The following NUAK1 variants were observed in gnomAD, a reference collection of about 807,000 sequenced individuals.
NUAK1 encodes the protein NUAK family kinase 1.
In NUAK1, 26 loss-of-function variants were observed where a neutral mutation model predicts 56.9. The ratio of observed to expected loss-of-function variants is 0.46; its 90% CI spans 0.33 to 0.63. NUAK1 has a LOEUF of 0.63. Ranked by LOEUF, NUAK1 falls within the 30% of genes least tolerant of loss-of-function variation. The probability of loss-of-function intolerance (pLI) is 0.02; values close to 1 mark genes in which losing one functional copy is unlikely to be tolerated. For missense variants in NUAK1, 727 were observed against 876.1 expected, an observed-to-expected ratio of 0.83 and a Z score of 2.15; for synonymous variants, 337 against 336.0, an observed-to-expected ratio of 1.00 and a Z score of -0.03.
At chr12:106,119,895 T>C (rs1191642169) in intron 1 of NUAK1, among the ~76,000 whole-genome samples, 1 of 152,198 alleles carries the variant, frequency 6.6e-6, no homozygotes, top group Non-Finnish European at 1.5e-5. Flanking sequence ...CAAGAAAGTG[T>C]GCATCCCGAT....
intron 1 of NUAK1, among the ~76,000 whole-genome samples, chr12:106,118,422 T>C (rs546080106): frequency 4.5e-4 from 69 of 152,340 alleles, no homozygotes; most frequent in Non-Finnish European, 8.5e-4. Flanking sequence ...AAAACACTCT[T>C]AGCCCTGGCA....
At position 106,066,782 on chromosome 12, in the gene NUAK1, C is replaced by T. The variant is rs773779866; in HGVS notation, c.*20G>A. On this transcript the variant is annotated 3_prime_UTR_variant, in exon 7 of 7. Coordinates refer to ENST00000261402, the MANE Select transcript of NUAK1 (RefSeq NM_014840.3). ...CCTTCCTCCCTCGTACCCCCGCCCG[C>T]CCCTGGGCGCCCTGGAATGCTAGTT... 51 of 1,587,620 alleles carry T rather than the reference C, an allele frequency of 3.2e-5. No individual in the cohort carries two copies. Among genetic ancestry groups the T allele is most frequent in the Non-Finnish European group, 4.4e-5 (51 of 1,163,732 alleles).
At chr12:106,089,857 T>C (rs1441553924) in intron 2 of NUAK1, among the ~76,000 whole-genome samples, 1 of 152,130 alleles carries the variant, frequency 6.6e-6, no homozygotes, top group Non-Finnish European at 1.5e-5. Context: ...CTTACCCCCA[T>C]CCTTTCTGGT....
At chr12:106,085,914 C>T (rs917986395) in intron 3 of NUAK1, among the ~76,000 whole-genome samples, 5 of 151,960 alleles carry the variant, frequency 3.3e-5, no homozygotes, top group Admixed American at 3.3e-4. Context: ...GCTATGTTGC[C>T]CTGGCTGGTC....
At chr12:106,077,734 C>T (rs1342264599) in intron 4 of NUAK1, among the ~76,000 whole-genome samples, 1 of 152,182 alleles carries the variant, frequency 6.6e-6, no homozygotes, top group African/African-American at 2.4e-5. Context: ...GACACTCAGG[C>T]CCTGCCCCAG....
intron 1 of NUAK1, among the ~76,000 whole-genome samples, chr12:106,125,916 C>T (rs191658158): frequency 2.7e-5 from 4 of 145,680 alleles, no homozygotes; most frequent in South Asian, 4.5e-4. Context: ...TAGTCTCCCC[C>T]CTGCATGCCT....
chr12:106,127,944 C>T (rs959904531), intron 1 of NUAK1, among the ~76,000 whole-genome samples: 1 of 152,066 alleles, frequency 6.6e-6, no homozygotes, highest in Non-Finnish European at 1.5e-5. Flanking sequence ...CCTTCCAAAA[C>T]TTAGATTTAT....
At chr12:106,099,036 T>A (rs1238940356) in intron 2 of NUAK1, among the ~76,000 whole-genome samples, 1 of 152,226 alleles carries the variant, frequency 6.6e-6, no homozygotes, top group African/African-American at 2.4e-5. Context: ...TTGATTAGGC[T>A]TTCCTTAGTA....
intron 1 of NUAK1, among the ~76,000 whole-genome samples, chr12:106,133,955 A>G (rs766368922): frequency 5.9e-5 from 9 of 152,216 alleles, no homozygotes; most frequent in Non-Finnish European, 1.0e-4. Flanking sequence ...TCTTCATCGA[A>G]CTGAACAGAA....
chr12:106,108,015 G>A (rs908652648), intron 1 of NUAK1, among the ~76,000 whole-genome samples: 1 of 152,052 alleles, frequency 6.6e-6, no homozygotes, highest in African/African-American at 2.4e-5. Flanking sequence ...TTGGCATACG[G>A]TAGACCCGGG....
rs1267708435 is a variant in NUAK1, at chr12:106,075,695, T to C, written c.580-2852A>G. Among the ~76,000 whole-genome samples the C allele has an allele frequency of 2.0e-5, 3 of 152,204 alleles. No homozygotes were observed. The East Asian group carries it at 5.8e-4, about 29-fold the overall frequency. On this transcript the variant is annotated intron_variant, in intron 4 of 6. Transcript: ENST00000261402. ...TTGACAGTGAAGAAATAGAGAAATT[T>C]CAGATGCCAAATAATAATGGAATTA...
chr12:106,130,278 A>G (rs572821613), intron 1 of NUAK1, among the ~76,000 whole-genome samples: 151 of 152,240 alleles, frequency 9.9e-4, no homozygotes, highest in Middle Eastern at 3.4e-3. Flanking sequence ...CACCGTGCCC[A>G]GCCTCGACAC....
intron 1 of NUAK1, among the ~76,000 whole-genome samples, chr12:106,122,501 G>A (rs1284272481): frequency 6.6e-6 from 1 of 152,184 alleles, no homozygotes; most frequent in Admixed American, 6.5e-5. Flanking sequence ...CGCCTGGCAT[G>A]TAATTGCTGC....
At chr12:106,093,297 C>T (rs1158641859) in intron 2 of NUAK1, among the ~76,000 whole-genome samples, 5 of 152,228 alleles carry the variant, frequency 3.3e-5, no homozygotes, top group African/African-American at 4.8e-5. Flanking sequence ...ACTGGCAGGC[C>T]TTCCTTCTTC....
At chr12:106,105,748 C>A (rs1056816429) in intron 2 of NUAK1, 2 of 152,218 alleles carry the variant, frequency 1.3e-5, no homozygotes, top group South Asian at 4.1e-4. Context: ...ACACATACTG[C>A]TGTGTAATTT....
At chr12:106,112,230 C>T (rs968277672) in intron 1 of NUAK1, among the ~76,000 whole-genome samples, 6 of 152,150 alleles carry the variant, frequency 3.9e-5, no homozygotes, top group African/African-American at 1.4e-4. Flanking sequence ...CCCTGCCATT[C>T]ACAAGGTGTG....
chr12:106,120,881 C>T (rs1148429), intron 1 of NUAK1, among the ~76,000 whole-genome samples: 30 of 151,944 alleles, frequency 2.0e-4, no homozygotes, highest in African/African-American at 6.8e-4. Flanking sequence ...ATGGATGGGG[C>T]CACCTTCAGG....
intron 1 of NUAK1, among the ~76,000 whole-genome samples, chr12:106,119,109 TA>T (rs1373920437): frequency 6.6e-6 from 1 of 152,198 alleles, no homozygotes; most frequent in Admixed American, 6.5e-5. Context: ...AAAAGAAATC[TA>T]AAAATCTGTC....
At chr12:106,072,701 T>C (rs528431904) in intron 5 of NUAK1, 23 bp downstream of exon 5, 18 of 1,602,184 alleles carry the variant, frequency 1.1e-5, no homozygotes, top group Middle Eastern at 1.7e-4. Flanking sequence ...CCCTGCCCCA[T>C]ACACATTGGG....
Sources: allele counts gnomAD v4.1 joint callset (sites outside exome capture counted in the v4.1 genomes callset), GRCh38; gene constraint gnomAD v4.1.1; transcripts MANE v1.5; gene names NCBI Gene and HGNC (gene_info 2026-07-23, HGNC 2026-07-21).